The following ANKRD11 variants were observed in gnomAD, a reference collection of about 807,000 sequenced individuals.
The protein encoded by ANKRD11 is ankyrin repeat domain 11, also known as ankyrin repeat domain-containing protein 11.
ANKRD11 carries 17 observed loss-of-function variants against 195.7 expected under a neutral mutation model. That is an observed-to-expected ratio of 0.09 (90% CI 0.06 to 0.13). ANKRD11 has a LOEUF of 0.13. Among genes scored for constraint, ANKRD11 ranks in the 10% least tolerant of loss-of-function variants. The probability of loss-of-function intolerance (pLI) is 1.00; values close to 1 mark genes in which losing one functional copy is unlikely to be tolerated. For synonymous variants in ANKRD11, 1,953 were observed against 1,528.1 expected (o/e 1.28, Z -6.49); for missense variants, 3,735 against 3,566.1 (o/e 1.05, Z -1.21).
At chr16:89,392,495 T>C (rs2041242088) in intron 2 of ANKRD11, 1 of 152,228 alleles carries the variant, frequency 6.6e-6, no homozygotes, top group African/African-American at 2.4e-5. Flanking sequence ...AATGTCTCAA[T>C]GGGTCTGCCA....
chr16:89,349,340 C>T (rs774362894), intron 2 of ANKRD11, among the ~76,000 whole-genome samples: 3 of 149,818 alleles, frequency 2.0e-5, no homozygotes, highest in Non-Finnish European at 4.4e-5. Flanking sequence ...ATTAGCCGGG[C>T]GTGGTGGCGG....
At chr16:89,370,053 T>G (rs80118634) in intron 2 of ANKRD11, among the ~76,000 whole-genome samples, 4,480 of 152,304 alleles carry the variant, frequency 0.029, 149 homozygotes, top group African/African-American at 0.075. Context: ...AACGCAAACC[T>G]TCTGGCTTCA....
At position 89,368,371 on chromosome 16, in the gene ANKRD11, G is replaced by GTTTT. The variant is rs71134210; in HGVS notation, c.-60+49909_-60+49912dup. On this transcript the variant is annotated intron_variant, in intron 2 of 12. Coordinates refer to ENST00000301030, the MANE Select transcript of ANKRD11 (RefSeq NM_013275.6). ...GCTGCCGTGCCTGGCTAATTTTTGT[G>GTTTT]TTTTTTTTTTTTTTTTTTTTTTTTT... 5.8e-4 allele frequency among the ~76,000 whole-genome samples: 33 copies of GTTTT among 56,596 alleles called. 2 individuals are homozygous for GTTTT. Among genetic ancestry groups the GTTTT allele is most frequent in the East Asian group, 3.1e-3 (4 of 1,294 alleles). The allele number at this position is 56,596 out of a possible 152,430, so 37.1% of individuals were successfully genotyped here.
intron 3 of ANKRD11, among the ~76,000 whole-genome samples, chr16:89,310,245 G>C (rs960959436): frequency 1.9e-4 from 29 of 152,168 alleles, no homozygotes; most frequent in African/African-American, 6.8e-4. Context: ...GGGTCCGCCT[G>C]TATGTGGCAT....
chr16:89,402,736 G>T (rs939143256), intron 2 of ANKRD11, among the ~76,000 whole-genome samples: 1 of 146,880 alleles, frequency 6.8e-6, no homozygotes, highest in African/African-American at 2.5e-5. Context: ...GCTCTGTGGG[G>T]TGAGATAGGG....
At position 89,284,592 on chromosome 16, in the gene ANKRD11, T is replaced by C. The variant is rs775912865; in HGVS notation, c.1950A>G (p.Gln650=). The C allele has an allele frequency of 2.5e-6, 4 of 1,614,208 alleles. No individual in the cohort carries two copies. Among genetic ancestry groups the C allele is most frequent in the South Asian group, 1.1e-5 (1 of 91,086 alleles). Residue 650 remains glutamine, a synonymous_variant, in exon 9 of 13, where the codon CAA becomes CAG. Transcript: ENST00000301030. ...AAGTAAAACTTTTCAACTTCAGCTC[T>C]TGGCTGATGGAACACTGTCCCTTCT... ...NKEKGQCSIS[Q]ELKLKSFTYE...
intron 1 of ANKRD11, among the ~76,000 whole-genome samples, chr16:89,422,435 C>G (rs1368488545): frequency 6.6e-6 from 1 of 152,144 alleles, no homozygotes; most frequent in Non-Finnish European, 1.5e-5. Flanking sequence ...GACACAGTAA[C>G]CACCCTGGTC....
Position 89,464,960 on chromosome 16 carries a change from T to A in ANKRD11, c.-145+25285A>T, listed in dbSNP as rs75344714. On this transcript the variant is annotated intron_variant, in intron 1 of 12. Coordinates refer to ENST00000301030, the MANE Select transcript of ANKRD11 (RefSeq NM_013275.6). Reference sequence around the variant, plus strand: ...GGGTCAGGGGCCGAATCTGGCCCAATGTCTTTTTTAGACAGTCCACAGGCT... The same window carrying A: ...GGGTCAGGGGCCGAATCTGGCCCAAAGTCTTTTTTAGACAGTCCACAGGCT... Among the ~76,000 whole-genome samples, 495 of 152,362 alleles carry A rather than the reference T, an allele frequency of 3.2e-3. 4 individuals carry two copies. Among genetic ancestry groups the A allele is most frequent in the East Asian group, 0.01 (53 of 5,192 alleles).
intron 1 of ANKRD11, among the ~76,000 whole-genome samples, chr16:89,484,590 G>A (rs1441168437): frequency 6.6e-6 from 1 of 152,100 alleles, no homozygotes; most frequent in Non-Finnish European, 1.5e-5. Context: ...TCGAGGAAGG[G>A]CAACTTACTA....
At chr16:89,362,857 C>T (rs1267958955) in intron 2 of ANKRD11, among the ~76,000 whole-genome samples, 1 of 152,100 alleles carries the variant, frequency 6.6e-6, no homozygotes, top group Admixed American at 6.5e-5. Flanking sequence ...TTCTCCTCTG[C>T]CTTTGCCTCT....
chr16:89,344,184 T>C (rs1369591629), intron 2 of ANKRD11, among the ~76,000 whole-genome samples: 4 of 152,198 alleles, frequency 2.6e-5, no homozygotes, highest in Admixed American at 2.6e-4. Flanking sequence ...TCAGGACAGA[T>C]TCCCAGCCCC....
Position 89,283,651 on chromosome 16 carries a change from C to T in ANKRD11, c.2891G>A (p.Gly964Asp). ...GTGCGCCTCCTCGGGCTTGGCCCTG[C>T]CGTCCCTGCGCTCCTTGCAGCTCTC... ...ALESCKERRD[G>D]RAKPEEAHRE... Residue 964 changes from glycine (G) to aspartate (D), a missense_variant, in exon 9 of 13, where the codon GGC (glycine) becomes GAC (aspartate). Coordinates refer to ENST00000301030, the MANE Select transcript of ANKRD11 (RefSeq NM_013275.6). The surrounding 1 kb of genome is among the most constrained non-coding windows in gnomAD (Gnocchi z 4.3). 1 of 1,611,372 alleles carries T rather than the reference C, an allele frequency of 6.2e-7. No individual in the cohort carries two copies. Among genetic ancestry groups the T allele is most frequent in the Non-Finnish European group, 8.5e-7 (1 of 1,179,888 alleles).
intron 7 of ANKRD11, chr16:89,288,004 G>A: frequency 4.0e-6 from 2 of 497,406 alleles, no homozygotes; most frequent in East Asian, 3.0e-5. Flanking sequence ...GGACGGGGCT[G>A]TCAGGCACAC....
chr16:89,281,215 C>A lies in ANKRD11; in HGVS notation c.5327G>T (p.Ser1776Ile). 6.2e-7 allele frequency: 1 copy of A among 1,614,180 alleles called. No homozygotes were observed. The highest frequency in any genetic ancestry group is 8.5e-7 in the Non-Finnish European group (1 of 1,180,028). The stretch of plus-strand genomic sequence containing the variant: ...GGAGAGAGGCCTGGCAGGAGCCTGG[C>A]TGGCGTTTTCCGAAAGCCCACTTGA... Reference protein sequence around the residue: ...VASSGLSENASQAPARPLSTN... With the variant: ...VASSGLSENAIQAPARPLSTN... Residue 1776 changes from serine to isoleucine, a missense_variant, in exon 9 of 13, where the codon AGC (serine) becomes ATC (isoleucine). By Grantham distance (142) the Ser-to-Ile change is moderately radical. Transcript: ENST00000301030. The surrounding 1 kb of genome is among the most constrained non-coding windows in gnomAD (Gnocchi z 5.5).
intron 2 of ANKRD11, among the ~76,000 whole-genome samples, chr16:89,366,586 C>G (rs973250088): frequency 1.6e-4 from 25 of 152,314 alleles, no homozygotes; most frequent in Non-Finnish European, 3.7e-4. Context: ...GGTTTCCACT[C>G]GCTGAAATCA....
Position 89,274,621 on chromosome 16 carries a change from G to A in ANKRD11, c.7713+193C>T, listed in dbSNP as rs979120393. ...TTGCCCGTGCGGGGAGCTGTCTGCT[G>A]TCTGCTGCAGCCTTCTTGGCTCCTT... On this transcript the variant is annotated intron_variant, in intron 11 of 12. Coordinates refer to ENST00000301030, the MANE Select transcript of ANKRD11 (RefSeq NM_013275.6). The A allele has an allele frequency of 3.1e-5, 25 of 814,158 alleles. No individual in the cohort carries two copies. In the South Asian group the frequency reaches 3.3e-4, roughly 11 times the overall value. The allele number at this position is 814,158 out of a possible 1,614,324, so 50.4% of individuals were successfully genotyped here.
In ANKRD11 at chr16:89,348,068, G is replaced by C. The variant is rs970810442; in HGVS notation, c.-59-30990C>G. 3.3e-5 allele frequency among the ~76,000 whole-genome samples: 5 copies of C among 151,872 alleles called. 1 individual carries two copies. The highest frequency in any genetic ancestry group is 1.2e-4 in the African/African-American group (5 of 41,328). ...CCCACCTCAGCCTCCAGGGTAACTG[G>C]GACTACAGGCGCGCCACCCTGCCCA... On this transcript the variant is annotated intron_variant, in intron 2 of 12. Coordinates refer to ENST00000301030, the MANE Select transcript of ANKRD11 (RefSeq NM_013275.6).
intron 3 of ANKRD11, among the ~76,000 whole-genome samples, chr16:89,315,546 G>T (rs780122565): frequency 6.6e-6 from 1 of 152,176 alleles, no homozygotes; most frequent in African/African-American, 2.4e-5. Context: ...GTGTGTCCCC[G>T]CCTGTGAGCT....
chr16:89,462,285 G>A (rs76329919), intron 1 of ANKRD11, among the ~76,000 whole-genome samples: 30 of 152,218 alleles, frequency 2.0e-4, no homozygotes, highest in Non-Finnish European at 3.8e-4. Context: ...TGGCCAGGCC[G>A]GTCTCCAGCC....
Sources: gnomAD v4.1 joint callset for allele counts (sites outside exome capture counted in the v4.1 genomes callset) on GRCh38, gnomAD v4.1.1 for gene constraint, Gnocchi (gnomAD v3.1) non-coding constraint, MANE v1.5 for transcripts, NCBI Gene and HGNC (gene_info 2026-07-23, HGNC 2026-07-21) for gene names.